Variants in CDK18 observed in about 807,000 individuals in gnomAD.
The protein encoded by CDK18 is cyclin-dependent kinase 18.
Under a neutral mutation model 62.0 loss-of-function variants are expected in CDK18, and 52 were observed. The observed-to-expected ratio is 0.84, with a 90% CI of 0.67 to 1.06. CDK18 has a LOEUF of 1.06. Ranked by LOEUF, CDK18 falls within the 50% of genes least tolerant of loss-of-function variation. The probability of loss-of-function intolerance (pLI) is 0.00; values close to 1 mark genes in which losing one functional copy is unlikely to be tolerated. For missense variants in CDK18, 604 were observed against 619.9 expected (o/e 0.97, Z 0.27); for synonymous variants, 237 against 247.0 (o/e 0.96, Z 0.38).
intron 7 of CDK18, 73 bp from the exon 8 acceptor site, chr1:205,526,702 C>T: frequency 7.0e-7 from 1 of 1,421,194 alleles, no homozygotes. Context: ...GGGGCTTCCT[C>T]TCCTCAGCCT....
intron 13 of CDK18, chr1:205,529,764 C>T (rs747644615): frequency 6.6e-7 from 1 of 1,518,500 alleles, no homozygotes; most frequent in South Asian, 1.2e-5. Context: ...AGCCCAAACC[C>T]GTTACTTAGC....
At chr1:205,519,139 C>T (rs1667985808) in intron 1 of CDK18, among the ~76,000 whole-genome samples, 1 of 152,226 alleles carries the variant, frequency 6.6e-6, no homozygotes, top group Non-Finnish European at 1.5e-5. Context: ...GCTGGTCATA[C>T]TGAGCCCTTC....
At chr1:205,520,902 G>A (rs1285925976) in intron 1 of CDK18, among the ~76,000 whole-genome samples, 1 of 152,068 alleles carries the variant, frequency 6.6e-6, no homozygotes, top group Non-Finnish European at 1.5e-5. Flanking sequence ...ACAAGTGTGA[G>A]GCATGGTGGC....
At chr1:205,511,735 T>G (rs1438160173) in intron 1 of CDK18, among the ~76,000 whole-genome samples, 4 of 152,208 alleles carry the variant, frequency 2.6e-5, no homozygotes, top group African/African-American at 9.7e-5. Flanking sequence ...TTTTACAAAC[T>G]GTACACATCT....
Position 205,530,305 on chromosome 1 carries a change from CCTA to C in CDK18, c.1271_1273del (p.Tyr424del), listed in dbSNP as rs1303911917. The C allele has an allele frequency of 1.2e-6, 2 of 1,613,366 alleles. No homozygotes were observed. Among genetic ancestry groups the C allele is most frequent in the East Asian group, 2.2e-5 (1 of 44,886 alleles). ...TCAGCAGAGGCTGCCCTGAGTCACT[CCTA>C]CTTCCGGTCTCTGGGAGAGCGTGTG... On this transcript the variant is annotated inframe_deletion, in exon 14 of 16. Transcript: ENST00000429964.
chr1:205,517,761 C>T lies in CDK18; in HGVS notation c.-21-5386C>T, dbSNP rs748178933. ...ACTTCTCACCATCTCCACTGCCCCC[C>T]GCTGGTCCCAGCCACCATCAAGCTC... is the stretch of plus-strand genomic sequence containing the variant. On this transcript the variant is annotated intron_variant, in intron 1 of 15. Transcript: ENST00000429964. This position sits in a 1 kb window ranked among gnomAD's most constrained non-coding sequence, Gnocchi z 4.1. Among the ~76,000 whole-genome samples the T allele has an allele frequency of 1.1e-3, 171 of 152,154 alleles. 4 individuals are homozygous for T. The highest frequency in any genetic ancestry group is 6.3e-4 in the Non-Finnish European group (43 of 68,014).
At position 205,526,512 on chromosome 1, in the gene CDK18, G is replaced by T. The variant is rs1454398349; in HGVS notation, c.666+51G>T. ...CCTCTCCCTCTTGTGGTGGAAACGG[G>T]GTGTGGGTAGGGGAGTGGGAAGCTG... On this transcript the variant is annotated intron_variant, in intron 7 of 15. Coordinates refer to ENST00000429964, the MANE Select transcript of CDK18 (RefSeq NM_212502.3). 2.8e-6 allele frequency: 4 copies of T among 1,420,490 alleles called. No homozygotes were observed. The African/African-American group carries it at 5.6e-5, about 20-fold the overall frequency. 88.0% of individuals were successfully genotyped at this position (1,420,490 alleles called of 1,614,324 possible). A position where few individuals can be genotyped will look rare whatever the true frequency, so the allele number is the denominator to read the frequency against.
chr1:205,526,906 A>C, intron 8 of CDK18, 69 bp downstream of exon 8: 2 of 1,264,046 alleles, frequency 1.6e-6, no homozygotes, highest in South Asian at 2.4e-5. Flanking sequence ...GTGGGGACCC[A>C]CTCTCACCAC....
At chr1:205,515,725 T>C (rs564646931) in intron 1 of CDK18, among the ~76,000 whole-genome samples, 43 of 152,278 alleles carry the variant, frequency 2.8e-4, no homozygotes, top group Non-Finnish European at 5.3e-4. Flanking sequence ...ACATTTCTGA[T>C]TGGAGTGAGA....
Position 205,516,655 on chromosome 1 carries a change from C to T in CDK18, c.-21-6492C>T, listed in dbSNP as rs1667836029. On this transcript the variant is annotated intron_variant, in intron 1 of 15. Transcript: ENST00000429964. This position sits in a 1 kb window ranked among gnomAD's most constrained non-coding sequence, Gnocchi z 4.8. The stretch of plus-strand genomic sequence containing the variant: ...GGGAGACAGGTGAAAAGTCACGCCC[C>T]ATTGAAGGAGGGGCACCTGGTGGTC... 1.3e-5 allele frequency among the ~76,000 whole-genome samples: 2 copies of T among 152,148 alleles called. No homozygotes were observed. The highest frequency in any genetic ancestry group is 6.5e-5 in the Admixed American group (1 of 15,272).
chr1:205,518,077 C>T (rs1029920996), intron 1 of CDK18, among the ~76,000 whole-genome samples: 4 of 152,062 alleles, frequency 2.6e-5, no homozygotes, highest in Non-Finnish European at 4.4e-5. Context: ...CATGACTGAC[C>T]CCCTCACCTT....
At chr1:205,523,412 G>C in intron 2 of CDK18, 71 bp from the exon 3 acceptor site, 1 of 1,600,276 alleles carries the variant, frequency 6.2e-7, no homozygotes. Context: ...ACAGCGCTGG[G>C]GGAGGGGGGC....
intron 4 of CDK18, among the ~76,000 whole-genome samples, chr1:205,524,839 G>A (rs1473894698): frequency 6.6e-6 from 1 of 152,142 alleles, no homozygotes; most frequent in Non-Finnish European, 1.5e-5. Context: ...GGTACAATGG[G>A]AAAAAAGGCA....
At chr1:205,513,039 C>T (rs1204345810) in intron 1 of CDK18, among the ~76,000 whole-genome samples, 1 of 152,220 alleles carries the variant, frequency 6.6e-6, no homozygotes, top group Non-Finnish European at 1.5e-5. Context: ...CAACACTCTT[C>T]TTTTCTTCTC....
At chr1:205,512,064 C>T (rs1370503028) in intron 1 of CDK18, among the ~76,000 whole-genome samples, 1 of 151,754 alleles carries the variant, frequency 6.6e-6, no homozygotes, top group South Asian at 2.1e-4. Flanking sequence ...CACACACACA[C>T]ATACCTCTAA....
chr1:205,526,901 G>A, intron 8 of CDK18, 64 bp downstream of exon 8: 1 of 1,343,946 alleles, frequency 7.4e-7, no homozygotes, highest in Non-Finnish European at 1.1e-6. Flanking sequence ...CCAGTGTGGG[G>A]ACCCACTCTC....
chr1:205,529,646 T>C, intron 13 of CDK18, 83 bp downstream of exon 13: 1 of 1,608,238 alleles, frequency 6.2e-7, no homozygotes, highest in Non-Finnish European at 8.5e-7. Flanking sequence ...ACGCCCCAAC[T>C]TCTGTGGCTC....
At chr1:205,512,236 G>A (rs1011115471) in intron 1 of CDK18, among the ~76,000 whole-genome samples, 59 of 152,156 alleles carry the variant, frequency 3.9e-4, no homozygotes, top group Non-Finnish European at 7.9e-4. Context: ...CAGGAAGCAT[G>A]CCCAGAGAGG....
chr1:205,530,230 G>C, intron 13 of CDK18, 29 bp from the exon 14 acceptor site: 1 of 1,608,884 alleles, frequency 6.2e-7, no homozygotes, highest in Non-Finnish European at 8.5e-7. Flanking sequence ...CCCCAGCCGG[G>C]CCCAATAGCC....
Sources: allele counts gnomAD v4.1 joint callset (sites outside exome capture counted in the v4.1 genomes callset), GRCh38; gene constraint gnomAD v4.1.1; non-coding constraint Gnocchi (gnomAD v3.1); transcripts MANE v1.5; gene names NCBI Gene and HGNC (gene_info 2026-07-23, HGNC 2026-07-21).